APOC1: variants seen among roughly 807,000 people sequenced by gnomAD.
The protein encoded by APOC1 is apolipoprotein C-I.
In APOC1, 4 loss-of-function variants were observed where a neutral mutation model predicts 6.7. The observed-to-expected ratio is 0.60, with a 90% CI of 0.29 to 1.37. The LOEUF (loss-of-function observed/expected upper bound fraction) is 1.37, where lower values mean the gene tolerates loss of function less well. Ranked by LOEUF, APOC1 falls within the 40% of genes most tolerant of loss-of-function variation. APOC1 has a pLI of 0.09. For synonymous variants in APOC1, 33 were observed against 40.6 expected, an observed-to-expected ratio of 0.81 and a Z score of 0.72; for missense variants, 122 against 99.4, an observed-to-expected ratio of 1.23 and a Z score of -0.97.
At chr19:44,916,359 G>A (rs1418108285) in intron 3 of APOC1, 34 bp downstream of exon 3, 1 of 1,611,036 alleles carries the variant, frequency 6.2e-7, no homozygotes, top group Non-Finnish European at 8.5e-7. Flanking sequence ...GGAGAGCTGG[G>A]GTGTGTTTTT....
intron 2 of APOC1, among the ~76,000 whole-genome samples, chr19:44,915,419 G>A (rs1969987129): frequency 6.6e-6 from 1 of 150,608 alleles, no homozygotes; most frequent in African/African-American, 2.4e-5. Context: ...CGCCTCCCTG[G>A]TTCACGCCAT....
chr19:44,916,302 G>T lies in APOC1; in HGVS notation c.171G>T (p.Gln57His). The change falls in exon 3 of 4, where the codon CAG becomes CAT. Residue 57 changes from glutamine (Q) to histidine (H), a missense_variant. Physicochemically the swap from Gln to His is conservative, Grantham distance 24. Transcript: ENST00000592535. ...KARELISRIK[Q>H]SELSAKMREW... is the part of the protein sequence containing the mutation. ...GGGAACTCATCAGCCGCATCAAACAGAGTGAACTTTCTGCCAAGATGCGGT... is the reference window on the plus strand; with the variant it reads ...GGGAACTCATCAGCCGCATCAAACATAGTGAACTTTCTGCCAAGATGCGGT... 1 of 1,613,954 alleles carries T rather than the reference G, an allele frequency of 6.2e-7. No homozygotes were observed. The highest frequency in any genetic ancestry group is 8.5e-7 in the Non-Finnish European group (1 of 1,180,002).
chr19:44,915,525 C>T (rs533862500), intron 2 of APOC1, among the ~76,000 whole-genome samples: 3 of 150,936 alleles, frequency 2.0e-5, no homozygotes, highest in East Asian at 4.0e-4. Flanking sequence ...GTCTCGATCT[C>T]CTGACTTTGT....
chr19:44,915,593 C>T (rs1414693063), intron 2 of APOC1, among the ~76,000 whole-genome samples: 2 of 151,370 alleles, frequency 1.3e-5, no homozygotes, highest in African/African-American at 4.8e-5. Context: ...CCACCGCGTC[C>T]GGCCATTCCT....
chr19:44,917,625 G>A (rs1970032335), intron 3 of APOC1, among the ~76,000 whole-genome samples: 2 of 149,104 alleles, frequency 1.3e-5, no homozygotes, highest in African/African-American at 4.9e-5. Flanking sequence ...GAAAGACAGG[G>A]AGGGAGGGAG....
chr19:44,916,499 G>A (rs1970012388), intron 3 of APOC1, 174 bp downstream of exon 3: 2 of 833,246 alleles, frequency 2.4e-6, no homozygotes, highest in Non-Finnish European at 3.7e-6. Flanking sequence ...CAGTTTCCCT[G>A]ACTCCCATCC....
chr19:44,916,301 A>G lies in APOC1; in HGVS notation c.170A>G (p.Gln57Arg). ...KARELISRIK[Q>R]SELSAKMREW... ...CGGGAACTCATCAGCCGCATCAAAC[A>G]GAGTGAACTTTCTGCCAAGATGCGG... The change falls in exon 3 of 4, where the codon CAG becomes CGG. Residue 57 changes from glutamine (Q) to arginine (R), a missense_variant. Gln to Arg is a conservative substitution (Grantham distance 43). Coordinates refer to ENST00000592535, the MANE Select transcript of APOC1 (RefSeq NM_001645.5). 1.2e-6 allele frequency: 2 copies of G among 1,613,974 alleles called. No individual in the cohort carries two copies. The highest frequency in any genetic ancestry group is 2.2e-5 in the South Asian group (2 of 91,070).
chr19:44,918,598 C>G (rs936976536), intron 3 of APOC1, among the ~76,000 whole-genome samples: 2 of 152,020 alleles, frequency 1.3e-5, no homozygotes, highest in East Asian at 2.0e-4. Context: ...AGCATGGTCT[C>G]GATCTCCTGA....
chr19:44,918,465 C>G (rs1352016315), intron 3 of APOC1, among the ~76,000 whole-genome samples: 1 of 144,920 alleles, frequency 6.9e-6, no homozygotes, highest in Non-Finnish European at 1.5e-5. Flanking sequence ...GGGTTCATGC[C>G]ATTCTCCTGC....
At chr19:44,915,963 C>T (rs959695903) in intron 2 of APOC1, among the ~76,000 whole-genome samples, 2 of 151,476 alleles carry the variant, frequency 1.3e-5, no homozygotes, top group African/African-American at 2.4e-5. Flanking sequence ...AGCAAGACTC[C>T]GTCTCAAAAC....
At chr19:44,919,147 AC>A (rs774689573) in intron 3 of APOC1, 25 bp from the exon 4 acceptor site, 3 of 1,606,144 alleles carry the variant, frequency 1.9e-6, no homozygotes, top group East Asian at 2.2e-5. Flanking sequence ...GCACACAGTG[AC>A]CCCCTTCCTT....
chr19:44,914,768 A>C (rs418116), intron 1 of APOC1, 35 bp downstream of exon 1: 17 of 1,003,392 alleles, frequency 1.7e-5, no homozygotes, highest in Non-Finnish European at 2.3e-5. Flanking sequence ...ACACCCGCCT[A>C]CACTCTGCAA....
At chr19:44,916,151 A>AAAAAAAAAAAAC (rs764285416) in intron 2 of APOC1, 39 bp from the exon 3 acceptor site, 1 of 1,522,204 alleles carries the variant, frequency 6.6e-7, no homozygotes, top group African/African-American at 1.4e-5. Flanking sequence ...AAAAAAAAAA[A>AAAAAAAAAAAAC]AAAAACAAAT....
chr19:44,917,492 T>C (rs1397051504), intron 3 of APOC1, among the ~76,000 whole-genome samples: 2 of 151,710 alleles, frequency 1.3e-5, no homozygotes, highest in East Asian at 1.9e-4. Context: ...GCGAGAGGAT[T>C]GCTTGAGCCC....
At chr19:44,916,491 G>T in intron 3 of APOC1, 166 bp downstream of exon 3, 1 of 903,940 alleles carries the variant, frequency 1.1e-6, no homozygotes. Context: ...TTCAAGGACA[G>T]TTTCCCTGAC....
chr19:44,918,337 C>G (rs184367280), intron 3 of APOC1, among the ~76,000 whole-genome samples: 1 of 90,348 alleles, frequency 1.1e-5, no homozygotes, highest in Non-Finnish European at 2.0e-5. Flanking sequence ...TGAAGTGTTT[C>G]TTTTTTTTTT....
intron 2 of APOC1, 137 bp from the exon 3 acceptor site, chr19:44,916,053 C>T (rs1393641711): frequency 4.0e-6 from 4 of 1,004,776 alleles, no homozygotes; most frequent in Non-Finnish European, 5.5e-6. Flanking sequence ...AGGAGAACTG[C>T]TTGAACCCGG....
chr19:44,917,662 T>C (rs946363384), intron 3 of APOC1, among the ~76,000 whole-genome samples: 4 of 149,452 alleles, frequency 2.7e-5, no homozygotes, highest in African/African-American at 4.9e-5. Flanking sequence ...GGAGGGAAAA[T>C]AGAGCCAGGC....
chr19:44,917,905 C>T (rs1471893490), intron 3 of APOC1, among the ~76,000 whole-genome samples: 5 of 151,470 alleles, frequency 3.3e-5, no homozygotes, highest in Admixed American at 1.3e-4. Flanking sequence ...ACCCGGGAGG[C>T]GGAGGTTGCA....
Sources: gnomAD v4.1 joint callset for allele counts (sites outside exome capture counted in the v4.1 genomes callset) on GRCh38, gnomAD v4.1.1 for gene constraint, MANE v1.5 for transcripts, NCBI Gene and HGNC (gene_info 2026-07-23, HGNC 2026-07-21) for gene names.